The following OTULIN variants were observed in gnomAD, a reference collection of about 807,000 sequenced individuals.
OTULIN encodes ubiquitin thioesterase otulin.
Under a neutral mutation model 39.6 loss-of-function variants are expected in OTULIN, and 15 were observed. The ratio of observed to expected loss-of-function variants is 0.38; its 90% CI spans 0.25 to 0.58. OTULIN has a LOEUF of 0.58. Among genes scored for constraint, OTULIN ranks in the 20% least tolerant of loss-of-function variants. The pLI is 0.66. For synonymous variants in OTULIN, 156 were observed against 170.3 expected, an observed-to-expected ratio of 0.92 and a Z score of 0.65; for missense variants, 319 against 445.9, an observed-to-expected ratio of 0.72 and a Z score of 2.56.
At chr5:14,688,800 G>A (rs1736451209) in intron 5 of OTULIN, among the ~76,000 whole-genome samples, 1 of 152,150 alleles carries the variant, frequency 6.6e-6, no homozygotes, top group Non-Finnish European at 1.5e-5. Context: ...CCCTGTGGGA[G>A]TGAACGAGAG....
rs1350341997 is a variant in OTULIN, at chr5:14,681,314, T to C, written c.325-150T>C. ...AATGTTGTTTGCCAGTGAGTAAGTG[T>C]TAAAACAATTGCTTAGAAAGGGACA... On this transcript the variant is annotated intron_variant, in intron 3 of 6. Coordinates refer to ENST00000284274, the MANE Select transcript of OTULIN (RefSeq NM_138348.6). The C allele has an allele frequency of 5.0e-6, 4 of 798,442 alleles. No individual in the cohort carries two copies. The South Asian group carries it at 5.8e-5, about 12-fold the overall frequency. 49.5% of individuals were successfully genotyped at this position (798,442 alleles called of 1,614,324 possible).
chr5:14,693,194 A>C lies in OTULIN; in HGVS notation c.*146A>C. The C allele has an allele frequency of 1.5e-6, 1 of 656,624 alleles. No individual in the cohort carries two copies. The highest frequency in any genetic ancestry group is 2.2e-5 in the South Asian group (1 of 45,114). The allele number at this position is 656,624 out of a possible 1,614,324, so 40.7% of individuals were successfully genotyped here. ...GAGCCAAGTTGGACAGGATGTCCTG[A>C]AGACTAGCTTTTGATAAGAGAAATT... On this transcript the variant is annotated 3_prime_UTR_variant, in exon 7 of 7. Coordinates refer to ENST00000284274, the MANE Select transcript of OTULIN (RefSeq NM_138348.6).
rs1402092599 is a variant in OTULIN, at chr5:14,695,886, C to A, written c.*2838C>A. ...TTTCAATGCACAGAACAGGATGAAT[C>A]CTTTTTTCTTTATTTAGCGATTTAC... On this transcript the variant is annotated 3_prime_UTR_variant, in exon 7 of 7. Coordinates refer to ENST00000284274, the MANE Select transcript of OTULIN (RefSeq NM_138348.6). 1 of 152,074 alleles carries A rather than the reference C, an allele frequency of 6.6e-6. No homozygotes were observed. Among genetic ancestry groups the A allele is most frequent in the Non-Finnish European group, 1.5e-5 (1 of 68,010 alleles). 9.4% of individuals were successfully genotyped at this position (152,074 alleles called of 1,614,324 possible).
chr5:14,681,593 C>G lies in OTULIN; in HGVS notation c.454C>G (p.Pro152Ala). Residue 152 changes from proline (P) to alanine (A), a missense_variant, in exon 4 of 7, where the codon CCG becomes GCG. This residue lies in a region of OTULIN where 54 missense variants were observed against 50.7 expected (regional missense o/e 1.07). Transcript: ENST00000284274. ...AVGLPPWLQD[P>A]ELMLLPEKLI... The stretch of plus-strand genomic sequence containing the variant: ...GGGGCTGCCGCCCTGGCTGCAGGAC[C>G]CGGAGCTCATGCTGGTACGCTGCTG... 6.2e-7 allele frequency: 1 copy of G among 1,611,872 alleles called. No individual in the cohort carries two copies.
In OTULIN at chr5:14,687,656, C is replaced by CTG. The variant is rs757525384; in HGVS notation, c.594+12_594+13dup. The CTG allele has an allele frequency of 1.2e-6, 2 of 1,604,534 alleles. No homozygotes were observed. Among genetic ancestry groups the CTG allele is most frequent in the African/African-American group, 2.7e-5 (2 of 74,116 alleles). On this transcript the variant is annotated intron_variant, in intron 5 of 6. Coordinates refer to ENST00000284274, the MANE Select transcript of OTULIN (RefSeq NM_138348.6). ...TCTGCTGAGGAAGAAGGTTTGGAAC[C>CTG]TGTAGTGTCCTGTCTGATAAGGGTG...
chr5:14,703,612 C>T (rs891440865), downstream of OTULIN, among the ~76,000 whole-genome samples: 8 of 152,190 alleles, frequency 5.3e-5, no homozygotes, highest in East Asian at 5.8e-4. Context: ...TAGATTTGCC[C>T]CTTGTGGTAT....
At position 14,687,585 on chromosome 5, in the gene OTULIN, A is replaced by G. The variant is rs779135276; in HGVS notation, c.533A>G (p.Asp178Gly). The G allele has an allele frequency of 6.2e-7, 1 of 1,614,138 alleles. No individual in the cohort carries two copies. Among genetic ancestry groups the G allele is most frequent in the Admixed American group, 1.7e-5 (1 of 60,006 alleles). ...CAATGGAAACTTGGACTGAAATTTGATGGGAAGAATGAGGACCTGGTTGAT... is the reference window on the plus strand; with the variant it reads ...CAATGGAAACTTGGACTGAAATTTGGTGGGAAGAATGAGGACCTGGTTGAT... Reference protein sequence around the residue: ...IKQWKLGLKFDGKNEDLVDKI... With the variant: ...IKQWKLGLKFGGKNEDLVDKI... Residue 178 changes from aspartate to glycine, a missense_variant, in exon 5 of 7, where the codon GAT becomes GGT. Transcript: ENST00000284274.
At chr5:14,667,175 A>C (rs548184836) in intron 1 of OTULIN, among the ~76,000 whole-genome samples, 51 of 152,346 alleles carry the variant, frequency 3.3e-4, no homozygotes, top group African/African-American at 1.0e-3. Context: ...AATTACAAAT[A>C]CAAATCATAG....
intron 4 of OTULIN, among the ~76,000 whole-genome samples, chr5:14,684,773 A>G (rs892701827): frequency 6.6e-6 from 1 of 152,236 alleles, no homozygotes; most frequent in African/African-American, 2.4e-5. Flanking sequence ...GAGCTGGGAA[A>G]GCTAGACTGA....
chr5:14,716,492 C>CAATAAATA, the OTULIN span, among the ~76,000 whole-genome samples: 2,078 of 151,546 alleles, frequency 0.014, 62 homozygotes, highest in African/African-American at 0.048. Context: ...ACTCTGTCTC[C>CAATAAATA]AATAAATAAA....
At chr5:14,683,040 T>C (rs930565827) in intron 4 of OTULIN, among the ~76,000 whole-genome samples, 1 of 152,224 alleles carries the variant, frequency 6.6e-6, no homozygotes, top group African/African-American at 2.4e-5. Flanking sequence ...AAAACCAGGA[T>C]TGATGGGTGA....
rs554321472 is a variant in OTULIN, at chr5:14,691,088, A to G, written c.864+780A>G. Among the ~76,000 whole-genome samples the G allele has an allele frequency of 3.3e-5, 5 of 152,370 alleles. No homozygotes were observed. The East Asian group carries it at 9.6e-4, about 29-fold the overall frequency. ...TTACACACAAACCCAGTGCAGTACT[A>G]TCTCTAAGCCAATATAGTTGAGTCA... On this transcript the variant is annotated intron_variant, in intron 6 of 6. Transcript: ENST00000284274.
the OTULIN span, chr5:14,713,505 G>A: frequency 1.9e-5 from 30 of 1,612,556 alleles, no homozygotes; most frequent in Non-Finnish European, 2.5e-5. This position sits in a 1 kb window ranked among gnomAD's most constrained non-coding sequence, Gnocchi z 4.4. Context: ...TATTGAAGTG[G>A]CAGAAGGACC....
chr5:14,709,082 CAG>C, the OTULIN span: 2 of 152,220 alleles, frequency 1.3e-5, no homozygotes, highest in African/African-American at 4.8e-5. Flanking sequence ...TTAGTAGAGA[CAG>C]GGTTTTGCCA....
At chr5:14,712,248 G>A in the OTULIN span, among the ~76,000 whole-genome samples, 105 of 152,324 alleles carry the variant, frequency 6.9e-4, no homozygotes, top group African/African-American at 2.4e-3. Flanking sequence ...GAGTGGCCTG[G>A]CCGTCACTCT....
chr5:14,687,439 G>C (rs1561000315), intron 4 of OTULIN, 82 bp from the exon 5 acceptor site: 1 of 1,483,862 alleles, frequency 6.7e-7, no homozygotes, highest in Non-Finnish European at 9.1e-7. Flanking sequence ...TATAGACTTT[G>C]TGGTTTCTTA....
chr5:14,695,991 A>C lies in OTULIN; in HGVS notation c.*2943A>C, dbSNP rs1448217967. 1.2e-5 allele frequency: 1 copy of C among 85,166 alleles called. No individual in the cohort carries two copies. Among genetic ancestry groups the C allele is most frequent in the African/African-American group, 4.4e-5 (1 of 22,544 alleles). 5.3% of individuals were successfully genotyped at this position (85,166 alleles called of 1,614,324 possible). A position where few individuals can be genotyped will look rare whatever the true frequency, so the allele number is the denominator to read the frequency against. On this transcript the variant is annotated 3_prime_UTR_variant, in exon 7 of 7. Coordinates refer to ENST00000284274, the MANE Select transcript of OTULIN (RefSeq NM_138348.6). ...TAAGGAGAACGGACATTGCCTTGGT[A>C]TGTTTTTTTTTTTTTTTCCCTCCAC...
At chr5:14,681,440 G>T in intron 3 of OTULIN, 24 bp from the exon 4 acceptor site, 2 of 1,582,044 alleles carry the variant, frequency 1.3e-6, no homozygotes, top group South Asian at 2.3e-5. Flanking sequence ...CGACCATTTT[G>T]AATTCTTTCA....
chr5:14,684,505 C>T (rs1208723264), intron 4 of OTULIN, among the ~76,000 whole-genome samples: 7 of 152,200 alleles, frequency 4.6e-5, no homozygotes, highest in East Asian at 1.9e-4. Flanking sequence ...CCAGGTGGCC[C>T]GCAGACCCTC....
Sources: allele counts gnomAD v4.1 joint callset (sites outside exome capture counted in the v4.1 genomes callset), GRCh38; gene constraint gnomAD v4.1.1; regional missense constraint gnomAD v4.1.1; non-coding constraint Gnocchi (gnomAD v3.1); transcripts MANE v1.5; gene names NCBI Gene and HGNC (gene_info 2026-07-23, HGNC 2026-07-21).